KIAA1217: variants seen among roughly 807,000 people sequenced by gnomAD.
The protein encoded by KIAA1217 is KIAA1217.
In KIAA1217, 88 loss-of-function variants were observed where a neutral mutation model predicts 163.9. That is an observed-to-expected ratio of 0.54 (90% CI 0.45 to 0.64). The LOEUF (loss-of-function observed/expected upper bound fraction) is 0.64, where lower values mean the gene tolerates loss of function less well. Ranked by LOEUF, KIAA1217 falls within the 30% of genes least tolerant of loss-of-function variation. The pLI is 0.00. For missense variants in KIAA1217, 2,372 were observed against 2,475.0 expected (o/e 0.96, Z 0.88); for synonymous variants, 903 against 923.1 (o/e 0.98, Z 0.39).
At chr10:23,888,368 C>T (rs898201715) in intron 1 of KIAA1217, among the ~76,000 whole-genome samples, 6 of 152,046 alleles carry the variant, frequency 3.9e-5, no homozygotes, top group Admixed American at 6.6e-5. Flanking sequence ...TTTAATCAAC[C>T]TCACTCTATT....
intron 1 of KIAA1217, among the ~76,000 whole-genome samples, chr10:23,838,326 A>G (rs190962974): frequency 2.6e-5 from 4 of 152,336 alleles, no homozygotes; most frequent in Admixed American, 2.6e-4. Flanking sequence ...ATATGAGAAT[A>G]CAGTATACAT....
chr10:24,109,241 G>T (rs2062749733), intron 2 of KIAA1217, among the ~76,000 whole-genome samples: 1 of 152,076 alleles, frequency 6.6e-6, no homozygotes, highest in Admixed American at 6.6e-5. Flanking sequence ...TGCCACTAGG[G>T]GTGCTTACAT....
chr10:23,944,920 G>A (rs1843944602), intron 1 of KIAA1217, among the ~76,000 whole-genome samples: 1 of 152,038 alleles, frequency 6.6e-6, no homozygotes, highest in Non-Finnish European at 1.5e-5. Flanking sequence ...TTAGCCAGAC[G>A]TGGTGGTGTG....
intron 2 of KIAA1217, among the ~76,000 whole-genome samples, chr10:24,184,269 T>C (rs988349476): frequency 1.3e-5 from 2 of 152,180 alleles, no homozygotes; most frequent in African/African-American, 4.8e-5. Flanking sequence ...GTGGAATCAC[T>C]GGATAATAAA....
In KIAA1217 at chr10:24,520,651, A is replaced by AATATATAT. The variant is rs71472811; in HGVS notation, c.2308+416_2308+423dup. Among the ~76,000 whole-genome samples the AATATATAT allele has an allele frequency of 4.9e-3, 196 of 39,634 alleles. 6 individuals carry two copies. Among genetic ancestry groups the AATATATAT allele is most frequent in the Non-Finnish European group, 7.7e-3 (158 of 20,504 alleles). The allele number at this position is 39,634 out of a possible 152,430, so 26.0% of individuals were successfully genotyped here. On this transcript the variant is annotated intron_variant, in intron 11 of 20. Transcript: ENST00000376454. ...CCAAAAAAAAAAAAAAAAAAAAAAA[A>AATATATAT]ATATATATATATATATATATATATA...
chr10:23,841,495 A>G (rs1412922795), intron 1 of KIAA1217, among the ~76,000 whole-genome samples: 1 of 152,182 alleles, frequency 6.6e-6, no homozygotes, highest in Non-Finnish European at 1.5e-5. Context: ...GACATTATAT[A>G]TGGGAATGAT....
intron 2 of KIAA1217, among the ~76,000 whole-genome samples, chr10:24,054,400 G>C (rs1849735657): frequency 6.6e-6 from 1 of 152,120 alleles, no homozygotes; most frequent in Non-Finnish European, 1.5e-5. Flanking sequence ...GATGGAGGGG[G>C]ATAGAAAAGA....
chr10:23,987,851 T>C (rs759095139), intron 1 of KIAA1217, among the ~76,000 whole-genome samples: 2 of 152,170 alleles, frequency 1.3e-5, no homozygotes, highest in Non-Finnish European at 2.9e-5. Context: ...TTTTAACTGT[T>C]CACAAAACCT....
intron 2 of KIAA1217, among the ~76,000 whole-genome samples, chr10:24,345,857 C>T (rs568254875): frequency 6.1e-4 from 93 of 152,130 alleles, no homozygotes; most frequent in Non-Finnish European, 1.1e-3. Flanking sequence ...CATTTTAAAG[C>T]GTACAGTTCC....
chr10:23,750,863 T>C (rs1040178141), intron 1 of KIAA1217, among the ~76,000 whole-genome samples: 1 of 152,104 alleles, frequency 6.6e-6, no homozygotes, highest in Non-Finnish European at 1.5e-5. Flanking sequence ...AGGAAAAATA[T>C]AGATTTTAGT....
At chr10:24,138,468 T>G (rs1352429084) in intron 2 of KIAA1217, among the ~76,000 whole-genome samples, 1 of 152,200 alleles carries the variant, frequency 6.6e-6, no homozygotes, top group Non-Finnish European at 1.5e-5. Flanking sequence ...TTTCACATAC[T>G]TGCAATTATT....
chr10:24,501,388 A>C lies in KIAA1217; in HGVS notation c.1844A>C (p.His615Pro). 1.2e-6 allele frequency: 2 copies of C among 1,608,854 alleles called. No individual in the cohort carries two copies. The highest frequency in any genetic ancestry group is 2.2e-5 in the East Asian group (1 of 44,780). ...TGCACTTTTCTCATAGGAACGCCCC[A>C]TGTGTCTGGTGGGAAGATGCTCAGT... ...RNHTDSAGTP[H>P]VSGGKMLSAL... is the part of the protein sequence containing the mutation. The change falls in exon 9 of 21, where the codon CAT becomes CCT. Residue 615 changes from histidine (H) to proline (P), a missense_variant. His to Pro is a moderately conservative substitution (Grantham distance 77). Coordinates refer to ENST00000376454, the MANE Select transcript of KIAA1217 (RefSeq NM_019590.5).
At chr10:24,484,241 A>ATATATATATTTTTTTTTTTTTTTT (rs1376083298) in intron 6 of KIAA1217, among the ~76,000 whole-genome samples, 1 of 75,156 alleles carries the variant, frequency 1.3e-5, no homozygotes, top group Non-Finnish European at 2.5e-5. Flanking sequence ...ATATATATAT[A>ATATATATATTTTTTTTTTTTTTTT]TTTTTTTTTT....
In KIAA1217 at chr10:24,343,421, A is replaced by G. The variant is rs1284770263; in HGVS notation, c.355-37448A>G. Among the ~76,000 whole-genome samples the G allele has an allele frequency of 9.9e-5, 15 of 152,266 alleles. 1 individual carries two copies. The highest frequency in any genetic ancestry group is 2.9e-5 in the Non-Finnish European group (2 of 68,022). ...GTTAGTCAATTTTGTGTTTGTGCGA[A>G]GCTCCAGTTTGTGTTTTTACCCATT... On this transcript the variant is annotated intron_variant, in intron 2 of 20. Coordinates refer to ENST00000376454, the MANE Select transcript of KIAA1217 (RefSeq NM_019590.5).
At chr10:24,238,722 T>C (rs966435979) in intron 2 of KIAA1217, among the ~76,000 whole-genome samples, 1 of 152,102 alleles carries the variant, frequency 6.6e-6, no homozygotes, top group East Asian at 1.9e-4. Context: ...AAGTATCAAT[T>C]GAAGGTTTTT....
At chr10:24,520,814 C>A in intron 11 of KIAA1217, among the ~76,000 whole-genome samples, 1 of 147,996 alleles carries the variant, frequency 6.8e-6, no homozygotes, top group Non-Finnish European at 1.5e-5. Flanking sequence ...CCACTGCACT[C>A]CAGCCTGGCA....
intron 6 of KIAA1217, among the ~76,000 whole-genome samples, chr10:24,486,227 CT>C (rs1287836637): frequency 6.6e-6 from 1 of 152,190 alleles, no homozygotes; most frequent in Non-Finnish European, 1.5e-5. Context: ...CAGAGTGACC[CT>C]GTTAAAACAT....
intron 10 of KIAA1217, among the ~76,000 whole-genome samples, chr10:24,514,467 G>C (rs958331862): frequency 2.0e-5 from 3 of 150,786 alleles, no homozygotes; most frequent in Admixed American, 6.6e-5. Flanking sequence ...CAGCAGTCTA[G>C]AGGGAAAAAA....
intron 1 of KIAA1217, among the ~76,000 whole-genome samples, chr10:23,983,397 G>T (rs1435303803): frequency 6.6e-6 from 1 of 152,194 alleles, no homozygotes; most frequent in Non-Finnish European, 1.5e-5. Flanking sequence ...AGGAACCATA[G>T]TGGTTTCTGC....
Sources: allele counts gnomAD v4.1 joint callset (sites outside exome capture counted in the v4.1 genomes callset), GRCh38; gene constraint gnomAD v4.1.1; transcripts MANE v1.5; gene names NCBI Gene and HGNC (gene_info 2026-07-23, HGNC 2026-07-21).